CHL1: variants seen among roughly 807,000 people sequenced by gnomAD.
The protein encoded by CHL1 is cell adhesion molecule L1 like.
CHL1 carries 96 observed loss-of-function variants against 141.9 expected under a neutral mutation model. The ratio of observed to expected loss-of-function variants is 0.68; its 90% CI spans 0.57 to 0.80. The LOEUF is 0.80. Ranked by LOEUF, CHL1 falls within the 30% of genes least tolerant of loss-of-function variation. The probability of loss-of-function intolerance (pLI) is 0.00; values close to 1 mark genes in which losing one functional copy is unlikely to be tolerated. For synonymous variants in CHL1, 613 were observed against 502.2 expected, an observed-to-expected ratio of 1.22 and a Z score of -2.95; for missense variants, 1,820 against 1,457.2, an observed-to-expected ratio of 1.25 and a Z score of -4.05.
rs944274877 is a variant in CHL1, at chr3:198,695, G to A, written c.-175+1632G>A. 2.8e-4 allele frequency among the ~76,000 whole-genome samples: 42 copies of A among 152,236 alleles called. 1 individual carries two copies. The highest frequency in any genetic ancestry group is 7.3e-5 in the Non-Finnish European group (5 of 68,040). ...TAAGCACTCAAAAGTTATTGTCGTT[G>A]ATGCCATTACTGTTAGTTAATCCTC... On this transcript the variant is annotated intron_variant, in intron 1 of 27. Coordinates refer to ENST00000256509, the MANE Select transcript of CHL1 (RefSeq NM_006614.4).
chr3:394,547 G>T, intron 23 of CHL1, 146 bp from the exon 24 acceptor site: 2 of 622,776 alleles, frequency 3.2e-6, no homozygotes, highest in Non-Finnish European at 5.6e-6. Context: ...GTAGTTGTAT[G>T]TACCTCATAG....
chr3:222,656 G>C (rs369933864), intron 1 of CHL1, among the ~76,000 whole-genome samples: 1 of 152,158 alleles, frequency 6.6e-6, no homozygotes, highest in Non-Finnish European at 1.5e-5. Flanking sequence ...CTATTTTGTA[G>C]AAAGGCTGTG....
At chr3:297,870 C>T (rs1013488529) in intron 2 of CHL1, among the ~76,000 whole-genome samples, 2 of 152,120 alleles carry the variant, frequency 1.3e-5, no homozygotes, top group Non-Finnish European at 2.9e-5. Flanking sequence ...TACCCTGATG[C>T]AGGAAATGTT....
intron 2 of CHL1, among the ~76,000 whole-genome samples, chr3:295,342 G>A (rs142427888): frequency 6.6e-6 from 1 of 152,210 alleles, no homozygotes; most frequent in African/African-American, 2.4e-5. Flanking sequence ...GTGTCCCGAA[G>A]CCACAGAAGA....
intron 1 of CHL1, among the ~76,000 whole-genome samples, chr3:225,884 C>A (rs1441478310): frequency 6.6e-6 from 1 of 151,846 alleles, no homozygotes; most frequent in Non-Finnish European, 1.5e-5. Context: ...TGGCAGGCAC[C>A]TGTAGTCCCA....
intron 2 of CHL1, among the ~76,000 whole-genome samples, chr3:255,497 G>T (rs1279717068): frequency 8.6e-6 from 1 of 116,360 alleles, no homozygotes; most frequent in Non-Finnish European, 1.8e-5. Flanking sequence ...TGGTGTCTTT[G>T]TATGTGTGTG....
At chr3:370,239 G>C (rs983791122) in intron 15 of CHL1, among the ~76,000 whole-genome samples, 1 of 152,118 alleles carries the variant, frequency 6.6e-6, no homozygotes, top group Admixed American at 6.5e-5. Context: ...GGCTTTATTG[G>C]CTGGTAGACT....
chr3:321,140 C>T (rs780479489), intron 3 of CHL1, among the ~76,000 whole-genome samples: 1 of 152,102 alleles, frequency 6.6e-6, no homozygotes, highest in Non-Finnish European at 1.5e-5. Context: ...CTAAGGGCCA[C>T]CTTAAATTAC....
At chr3:295,371 G>A (rs115901012) in intron 2 of CHL1, among the ~76,000 whole-genome samples, 1,941 of 152,270 alleles carry the variant, frequency 0.013, 40 homozygotes, top group African/African-American at 0.045. Flanking sequence ...CTTAAACATT[G>A]CTTACCCTTT....
intron 24 of CHL1, among the ~76,000 whole-genome samples, chr3:396,862 A>G (rs1374630536): frequency 1.3e-5 from 2 of 152,162 alleles, no homozygotes; most frequent in Non-Finnish European, 2.9e-5. Flanking sequence ...TGAAAAAAAT[A>G]TATATTTCCA....
At chr3:400,852 G>C (rs980437232) in intron 26 of CHL1, among the ~76,000 whole-genome samples, 2 of 148,814 alleles carry the variant, frequency 1.3e-5, no homozygotes, top group African/African-American at 4.9e-5. Flanking sequence ...TATTCAGATT[G>C]TTGCAACAAT....
In CHL1 at chr3:344,556, A is replaced by T. The variant is rs1470575920; in HGVS notation, c.728-33A>T. The T allele has an allele frequency of 6.3e-5, 99 of 1,567,086 alleles. 1 individual carries two copies. In the East Asian group the frequency reaches 2.2e-3, roughly 35 times the overall value. On this transcript the variant is annotated intron_variant, in intron 8 of 27. Coordinates refer to ENST00000256509, the MANE Select transcript of CHL1 (RefSeq NM_006614.4). ...ACAGAATTTTATGTATATTAATTTG[A>T]AAAAATTCTGACTTTTCTTTTCTAT...
intron 19 of CHL1, among the ~76,000 whole-genome samples, chr3:386,266 T>C (rs1707705113): frequency 6.6e-6 from 1 of 150,770 alleles, no homozygotes; most frequent in South Asian, 2.1e-4. Flanking sequence ...AGATGAGCAG[T>C]AGGAACAGAC....
chr3:301,808 T>C (rs1343426523), intron 2 of CHL1, among the ~76,000 whole-genome samples: 1 of 152,208 alleles, frequency 6.6e-6, no homozygotes, highest in Non-Finnish European at 1.5e-5. Context: ...CATGCAGTTT[T>C]GATATATAGG....
intron 1 of CHL1, among the ~76,000 whole-genome samples, chr3:207,485 C>CA (rs1699538250): frequency 6.6e-6 from 1 of 152,128 alleles, no homozygotes. Flanking sequence ...AGAATTCATG[C>CA]ATTTGATTAA....
At chr3:313,029 T>C (rs184204824) in intron 2 of CHL1, among the ~76,000 whole-genome samples, 15 of 152,304 alleles carry the variant, frequency 9.8e-5, no homozygotes, top group Admixed American at 7.2e-4. Context: ...AACAACTTAA[T>C]GCTGTTTCTT....
chr3:405,378 A>T (rs979017202), intron 27 of CHL1, 117 bp from the exon 28 acceptor site: 46 of 674,584 alleles, frequency 6.8e-5, no homozygotes, highest in Non-Finnish European at 1.1e-4. Context: ...ATCTGTCTTC[A>T]ATGCTAACAC....
At chr3:355,082 T>C (rs1703596589) in intron 11 of CHL1, among the ~76,000 whole-genome samples, 1 of 152,170 alleles carries the variant, frequency 6.6e-6, no homozygotes, top group Non-Finnish European at 1.5e-5. Context: ...CAATTATTGT[T>C]CCTGTCCCTG....
intron 1 of CHL1, among the ~76,000 whole-genome samples, chr3:222,668 C>G (rs1444724301): frequency 6.6e-6 from 1 of 152,042 alleles, no homozygotes; most frequent in Non-Finnish European, 1.5e-5. Context: ...AAGGCTGTGC[C>G]AGTTCTGAAT....
Sources: allele counts gnomAD v4.1 joint callset (sites outside exome capture counted in the v4.1 genomes callset), GRCh38; gene constraint gnomAD v4.1.1; transcripts MANE v1.5; gene names NCBI Gene and HGNC (gene_info 2026-07-23, HGNC 2026-07-21).